Variants in CNN3 observed in about 807,000 individuals in gnomAD.
CNN3 encodes calponin 3.
Under a neutral mutation model 39.0 loss-of-function variants are expected in CNN3, and 11 were observed. The ratio of observed to expected loss-of-function variants is 0.28; its 90% CI spans 0.18 to 0.47. The LOEUF is 0.47. Among genes scored for constraint, CNN3 ranks in the 20% least tolerant of loss-of-function variants. CNN3 has a pLI of 0.99. For synonymous variants in CNN3, 101 were observed against 138.3 expected, an observed-to-expected ratio of 0.73 and a Z score of 1.89; for missense variants, 266 against 403.4, an observed-to-expected ratio of 0.66 and a Z score of 2.92.
intron 1 of CNN3, among the ~76,000 whole-genome samples, chr1:94,922,232 T>C (rs185812132): frequency 5.9e-5 from 9 of 152,272 alleles, no homozygotes; most frequent in Admixed American, 2.0e-4. Flanking sequence ...CTGGGCAACA[T>C]AGCGAGATCA....
chr1:94,923,452 A>G (rs943267928), intron 1 of CNN3, among the ~76,000 whole-genome samples: 5 of 150,042 alleles, frequency 3.3e-5, no homozygotes, highest in South Asian at 2.1e-4. Context: ...TTTCTTTGTT[A>G]TTAAAGAAAC....
intron 1 of CNN3, among the ~76,000 whole-genome samples, chr1:94,907,507 T>C (rs1671033666): frequency 6.6e-6 from 1 of 152,220 alleles, no homozygotes; most frequent in African/African-American, 2.4e-5. Context: ...TAGCTTAAAA[T>C]AATTGCTTAA....
chr1:94,914,999 T>C, intron 1 of CNN3, among the ~76,000 whole-genome samples: 1 of 152,070 alleles, frequency 6.6e-6, no homozygotes, highest in East Asian at 1.9e-4. Context: ...TCCTCCCACC[T>C]CAGCCTCCTG....
In CNN3 at chr1:94,926,581, G is replaced by C. The variant is rs946587618; in HGVS notation, c.57+257C>G. 2.0e-5 allele frequency among the ~76,000 whole-genome samples: 3 copies of C among 151,918 alleles called. No homozygotes were observed. The highest frequency in any genetic ancestry group is 4.4e-5 in the Non-Finnish European group (3 of 67,940). On this transcript the variant is annotated intron_variant, in intron 1 of 6. Coordinates refer to ENST00000370206, the MANE Select transcript of CNN3 (RefSeq NM_001839.5). The surrounding 1 kb of genome is among the most constrained non-coding windows in gnomAD (Gnocchi z 4.2). ...GAAAGGCTGGCGCCGCGGGACTCCAGGCGCCCGGGAACCCACCGCCAGCCA... is the reference window on the plus strand; with the variant it reads ...GAAAGGCTGGCGCCGCGGGACTCCACGCGCCCGGGAACCCACCGCCAGCCA...
intron 1 of CNN3, among the ~76,000 whole-genome samples, chr1:94,904,295 A>C (rs1670942748): frequency 7.1e-6 from 1 of 141,438 alleles, no homozygotes; most frequent in African/African-American, 2.7e-5. Context: ...ATTAAACATA[A>C]GTTTTGAAAG....
Position 94,902,253 on chromosome 1 carries a change from C to G in CNN3, c.252G>C (p.Glu84Asp), listed in dbSNP as rs777907457. 1.2e-6 allele frequency: 2 copies of G among 1,610,072 alleles called. No homozygotes were observed. Among genetic ancestry groups the G allele is most frequent in the East Asian group, 4.5e-5 (2 of 44,866 alleles). ...NESSLNWPQL[E>D]NIGNFIKAIQ... ...TAGCTTTAATAAAGTTGCCAATATT[C>G]TCCAACTATAAAGAAGAAGAGTTTT... Residue 84 changes from glutamate (E) to aspartate (D), a missense_variant, in exon 4 of 7, where the codon GAG becomes GAC. By Grantham distance (45) the Glu-to-Asp change is conservative (BLOSUM62 2). Coordinates refer to ENST00000370206, the MANE Select transcript of CNN3 (RefSeq NM_001839.5).
intron 1 of CNN3, among the ~76,000 whole-genome samples, chr1:94,914,407 G>A (rs1014930465): frequency 1.3e-5 from 2 of 152,126 alleles, no homozygotes; most frequent in Non-Finnish European, 2.9e-5. Flanking sequence ...CCAAAAGTTC[G>A]CTGTATTGTT....
intron 4 of CNN3, 70 bp from the exon 5 acceptor site, chr1:94,901,855 T>C (rs1670877251): frequency 8.8e-7 from 1 of 1,130,752 alleles, no homozygotes. Context: ...AAAGAAATGA[T>C]ATGTCCATAG....
chr1:94,920,739 C>G (rs1419659818), intron 1 of CNN3, among the ~76,000 whole-genome samples: 2 of 152,098 alleles, frequency 1.3e-5, no homozygotes, highest in Non-Finnish European at 1.5e-5. Context: ...TGACAAGAAC[C>G]TTGTATGACA....
chr1:94,903,752 C>A (rs1670930007), intron 1 of CNN3, among the ~76,000 whole-genome samples: 1 of 152,124 alleles, frequency 6.6e-6, no homozygotes, highest in African/African-American at 2.4e-5. Context: ...CATGGAGAGG[C>A]TGGGACTGAC....
intron 1 of CNN3, among the ~76,000 whole-genome samples, chr1:94,923,042 T>G (rs1283968133): frequency 6.6e-6 from 1 of 152,166 alleles, no homozygotes; most frequent in Non-Finnish European, 1.5e-5. Context: ...ATTTGTCAAT[T>G]TATTTTTTCC....
At position 94,902,143 on chromosome 1, in the gene CNN3, G is replaced by A; in HGVS notation, c.362C>T (p.Thr121Ile). Residue 121 changes from threonine (T) to isoleucine (I), a missense_variant, in exon 4 of 7, where the codon ACT becomes ATT. Physicochemically the swap from Thr to Ile is moderately conservative, Grantham distance 89 (BLOSUM62 -1). Transcript: ENST00000370206. ...TACCAGACCTGCTAGAGCCACCAGA[G>A]TAGTCTGAACCTGGGTCATGTTTCC... The part of the protein sequence containing the change: ...ENGNMTQVQT[T>I]LVALAGLAKT... 6.2e-7 allele frequency: 1 copy of A among 1,613,182 alleles called. No individual in the cohort carries two copies. The highest frequency in any genetic ancestry group is 8.5e-7 in the Non-Finnish European group (1 of 1,179,136).
intron 6 of CNN3, 58 bp from the exon 7 acceptor site, chr1:94,898,141 T>C (rs561384423): frequency 1.2e-5 from 18 of 1,460,526 alleles, no homozygotes; most frequent in African/African-American, 8.5e-5. Flanking sequence ...TTCTTGTGAA[T>C]AATTTATAAA....
At chr1:94,920,135 C>G in intron 1 of CNN3, among the ~76,000 whole-genome samples, 1 of 152,284 alleles carries the variant, frequency 6.6e-6, no homozygotes, top group Non-Finnish European at 1.5e-5. Context: ...CAACCAAGCC[C>G]GGTAAGCAAG....
intron 1 of CNN3, chr1:94,925,837 G>A: frequency 2.0e-6 from 2 of 985,156 alleles, no homozygotes; most frequent in East Asian, 1.1e-4. Flanking sequence ...GAGACAATGA[G>A]CGTTCTGTGC....
intron 1 of CNN3, among the ~76,000 whole-genome samples, chr1:94,915,722 A>G (rs75374952): frequency 0.03 from 4,577 of 152,268 alleles, 108 homozygotes; most frequent in South Asian, 0.05. Context: ...CCAGTGCCCA[A>G]GCTCCAAAGG....
At position 94,907,769 on chromosome 1, in the gene CNN3, A is replaced by G. The variant is rs555928773; in HGVS notation, c.58-4245T>C. Among the ~76,000 whole-genome samples, 7 of 152,316 alleles carry G rather than the reference A, an allele frequency of 4.6e-5. No individual in the cohort carries two copies. The South Asian group carries it at 1.4e-3, about 32-fold the overall frequency. On this transcript the variant is annotated intron_variant, in intron 1 of 6. Coordinates refer to ENST00000370206, the MANE Select transcript of CNN3 (RefSeq NM_001839.5). The stretch of plus-strand genomic sequence containing the variant: ...CAGCTACTTGGGAGGCTGAGGCAGG[A>G]GAATGGTGTGAACCCGGGAGGCGGG...
At chr1:94,919,841 C>A (rs913641014) in intron 1 of CNN3, among the ~76,000 whole-genome samples, 7 of 152,172 alleles carry the variant, frequency 4.6e-5, no homozygotes, top group Non-Finnish European at 8.8e-5. Flanking sequence ...CAGCACTCAA[C>A]AGTCACGCCC....
chr1:94,904,674 G>A (rs1246316949), intron 1 of CNN3, among the ~76,000 whole-genome samples: 2 of 152,040 alleles, frequency 1.3e-5, no homozygotes, highest in Non-Finnish European at 2.9e-5. Context: ...TTGAGCCCAC[G>A]AGATCGAGGC....
Sources: gnomAD v4.1 joint callset for allele counts (sites outside exome capture counted in the v4.1 genomes callset) on GRCh38, gnomAD v4.1.1 for gene constraint, Gnocchi (gnomAD v3.1) non-coding constraint, MANE v1.5 for transcripts, NCBI Gene and HGNC (gene_info 2026-07-23, HGNC 2026-07-21) for gene names.